The following ASTN2 variants were observed in gnomAD, a reference collection of about 807,000 sequenced individuals.
ASTN2 encodes the protein astrotactin-2.
In ASTN2, 54 loss-of-function variants were observed where a neutral mutation model predicts 139.8. The ratio of observed to expected loss-of-function variants is 0.39; its 90% CI spans 0.31 to 0.48. The LOEUF (loss-of-function observed/expected upper bound fraction) is 0.48, where lower values mean the gene tolerates loss of function less well. Ranked by LOEUF, ASTN2 falls within the 20% of genes least tolerant of loss-of-function variation. The pLI is 0.95. For synonymous variants in ASTN2, 756 were observed against 719.5 expected, an observed-to-expected ratio of 1.05 and a Z score of -0.81; for missense variants, 1,565 against 1,725.1, an observed-to-expected ratio of 0.91 and a Z score of 1.64.
intron 3 of ASTN2, among the ~76,000 whole-genome samples, chr9:117,205,515 A>G (rs1831888030): frequency 6.6e-6 from 1 of 152,142 alleles, no homozygotes; most frequent in Non-Finnish European, 1.5e-5. Flanking sequence ...TGACTTCAAA[A>G]TCTATACTCT....
chr9:117,032,994 C>T (rs1838288944), intron 6 of ASTN2, among the ~76,000 whole-genome samples: 1 of 152,080 alleles, frequency 6.6e-6, no homozygotes. Context: ...ACAATCATAT[C>T]AATATATAAA....
At chr9:117,213,921 G>A (rs1832223716) in intron 3 of ASTN2, among the ~76,000 whole-genome samples, 1 of 152,216 alleles carries the variant, frequency 6.6e-6, no homozygotes, top group African/African-American at 2.4e-5. Flanking sequence ...TTTCCCAAGA[G>A]CTGCTGCCTT....
At chr9:116,672,530 A>G (rs1859259958) in intron 16 of ASTN2, among the ~76,000 whole-genome samples, 1 of 152,226 alleles carries the variant, frequency 6.6e-6, no homozygotes. Context: ...GAGAATAGTA[A>G]TAACAATAAT....
intron 2 of ASTN2, among the ~76,000 whole-genome samples, chr9:117,261,245 A>C (rs1833814851): frequency 6.6e-6 from 1 of 152,092 alleles, no homozygotes; most frequent in Non-Finnish European, 1.5e-5. Flanking sequence ...TTAGTGGGAA[A>C]CCTTTGTTTA....
At chr9:116,881,764 T>C (rs555754059) in intron 10 of ASTN2, among the ~76,000 whole-genome samples, 11 of 152,184 alleles carry the variant, frequency 7.2e-5, no homozygotes, top group Admixed American at 1.3e-4. Context: ...GTTTCCGTAA[T>C]GGAAATCATA....
chr9:117,318,324 G>A, intron 1 of ASTN2, among the ~76,000 whole-genome samples: 1 of 152,134 alleles, frequency 6.6e-6, no homozygotes, highest in East Asian at 1.9e-4. Flanking sequence ...TTGCCTGGCA[G>A]AAAAATCAAC....
At chr9:116,692,421 A>T (rs1860617347) in intron 16 of ASTN2, among the ~76,000 whole-genome samples, 1 of 152,240 alleles carries the variant, frequency 6.6e-6, no homozygotes, top group South Asian at 2.1e-4. Flanking sequence ...ACTATTATTT[A>T]TGTATAGTTA....
chr9:117,226,429 G>C (rs1016250090), intron 2 of ASTN2, among the ~76,000 whole-genome samples: 1 of 152,174 alleles, frequency 6.6e-6, no homozygotes, highest in African/African-American at 2.4e-5. Context: ...GAATCCAACA[G>C]TGTCTAGAAT....
intron 2 of ASTN2, among the ~76,000 whole-genome samples, chr9:117,227,186 G>C (rs1451750855): frequency 6.6e-6 from 1 of 152,116 alleles, no homozygotes; most frequent in Non-Finnish European, 1.5e-5. Flanking sequence ...CGTTGGTGAA[G>C]GCTTCCCTTT....
intron 19 of ASTN2, among the ~76,000 whole-genome samples, chr9:116,566,942 C>G (rs954820938): frequency 6.6e-6 from 1 of 152,240 alleles, no homozygotes; most frequent in Admixed American, 6.5e-5. Flanking sequence ...CTCCCATCTT[C>G]TCTCACATAG....
chr9:117,072,718 C>CTTTA (rs952298171), intron 5 of ASTN2, among the ~76,000 whole-genome samples: 5 of 152,036 alleles, frequency 3.3e-5, no homozygotes, highest in African/African-American at 9.7e-5. Context: ...CAAAGTCCAA[C>CTTTA]TTTATTTATT....
intron 6 of ASTN2, among the ~76,000 whole-genome samples, chr9:117,018,054 A>G (rs1837767764): frequency 6.6e-6 from 1 of 151,838 alleles, no homozygotes; most frequent in African/African-American, 2.4e-5. Context: ...TGATTGTCAC[A>G]ATACCCTGGG....
At position 116,815,828 on chromosome 9, in the gene ASTN2, A is replaced by AG. The variant is rs1554750238; in HGVS notation, c.2207+4788dup. 1.0e-3 allele frequency among the ~76,000 whole-genome samples: 148 copies of AG among 145,964 alleles called. 1 individual carries two copies. Among genetic ancestry groups the AG allele is most frequent in the Non-Finnish European group, 1.3e-3 (84 of 66,112 alleles). On this transcript the variant is annotated intron_variant, in intron 12 of 22. Transcript: ENST00000313400. Reference sequence around the variant, plus strand: ...TCAAAAAAAAAAAAAAAAAAAAAAAAGTTGATGAAATGGCTCACTATCTCT... The same window carrying AG: ...TCAAAAAAAAAAAAAAAAAAAAAAAAGGTTGATGAAATGGCTCACTATCTCT...
chr9:116,727,109 T>C (rs1338235913), intron 15 of ASTN2, among the ~76,000 whole-genome samples: 1 of 151,800 alleles, frequency 6.6e-6, no homozygotes, highest in Non-Finnish European at 1.5e-5. Context: ...TCAAGGCCCC[T>C]GGAAGTCACC....
intron 13 of ASTN2, among the ~76,000 whole-genome samples, chr9:116,802,083 C>CTTTTTT (rs796156202): frequency 5.8e-5 from 7 of 121,734 alleles, no homozygotes; most frequent in East Asian, 2.6e-4. Context: ...TTCTTTCTTT[C>CTTTTTT]TTTTTTTTTT....
chr9:116,726,817 C>T (rs983993837), intron 15 of ASTN2, among the ~76,000 whole-genome samples: 1 of 152,106 alleles, frequency 6.6e-6, no homozygotes, highest in Non-Finnish European at 1.5e-5. Flanking sequence ...AGCTATTCTT[C>T]CAGGGACATT....
At chr9:116,805,154 G>C (rs1228732225) in intron 13 of ASTN2, among the ~76,000 whole-genome samples, 1 of 144,292 alleles carries the variant, frequency 6.9e-6, no homozygotes, top group East Asian at 2.0e-4. Flanking sequence ...AGGCAGACAG[G>C]AAAAAACAGA....
chr9:116,687,354 T>C lies in ASTN2; in HGVS notation c.2807-35561A>G, dbSNP rs886063378. 316 of 738,136 alleles carry C rather than the reference T, an allele frequency of 4.3e-4. 1 individual carries two copies. Among genetic ancestry groups the C allele is most frequent in the Non-Finnish European group, 5.0e-4 (305 of 614,422 alleles). 45.7% of individuals were successfully genotyped at this position (738,136 alleles called of 1,614,324 possible). On this transcript the variant is annotated intron_variant, in intron 16 of 22. Transcript: ENST00000313400. ...AGGCAGGCGGGTGGGCTGCCGGCGG[T>C]GGACTCGTCGGAGCCGCGGGCGGTC...
chr9:117,107,536 A>G (rs2132778941), intron 4 of ASTN2, among the ~76,000 whole-genome samples: 1 of 152,326 alleles, frequency 6.6e-6, no homozygotes, highest in Middle Eastern at 3.4e-3. Context: ...TTTCAAATTC[A>G]TTCTGCCGTA....
Sources: gnomAD v4.1 joint callset for allele counts (sites outside exome capture counted in the v4.1 genomes callset) on GRCh38, gnomAD v4.1.1 for gene constraint, MANE v1.5 for transcripts, NCBI Gene and HGNC (gene_info 2026-07-23, HGNC 2026-07-21) for gene names.